Variants in DPP10 observed in about 807,000 individuals in gnomAD.
The protein encoded by DPP10 is dipeptidyl peptidase like 10, also known as inactive dipeptidyl peptidase 10.
Under a neutral mutation model 120.9 loss-of-function variants are expected in DPP10, and 33 were observed. The ratio of observed to expected loss-of-function variants is 0.27; its 90% CI spans 0.21 to 0.37. The LOEUF is 0.37. DPP10 is among the 10% of genes least tolerant of loss of function. The probability of loss-of-function intolerance (pLI) is 1.00; values close to 1 mark genes in which losing one functional copy is unlikely to be tolerated. For synonymous variants in DPP10, 337 were observed against 326.1 expected, an observed-to-expected ratio of 1.03 and a Z score of -0.36; for missense variants, 816 against 942.8, an observed-to-expected ratio of 0.87 and a Z score of 1.76.
intron 1 of DPP10, among the ~76,000 whole-genome samples, chr2:114,488,476 G>A (rs192130720): frequency 4.6e-4 from 70 of 152,240 alleles, no homozygotes; most frequent in African/African-American, 1.6e-3. Flanking sequence ...ACTACCACTA[G>A]TAATAGTAAT....
chr2:115,787,698 T>C (rs1299384517), intron 17 of DPP10, among the ~76,000 whole-genome samples: 1 of 152,036 alleles, frequency 6.6e-6, no homozygotes, highest in Non-Finnish European at 1.5e-5. Flanking sequence ...CTAAATCTGA[T>C]GAAAAAGTTA....
intron 2 of DPP10, among the ~76,000 whole-genome samples, chr2:115,334,230 G>GGTTTTTT (rs1553554643): frequency 1.8e-5 from 1 of 56,412 alleles, no homozygotes; most frequent in African/African-American, 4.9e-5. Context: ...AGCAGACTCT[G>GGTTTTTT]TTTTTTTTTT....
At chr2:114,723,501 G>T (rs1050234180) in intron 1 of DPP10, among the ~76,000 whole-genome samples, 5 of 152,166 alleles carry the variant, frequency 3.3e-5, no homozygotes. Context: ...CACTTCAACC[G>T]TAACTTCTCT....
chr2:114,768,697 CT>C (rs1471057591), intron 1 of DPP10, among the ~76,000 whole-genome samples: 2 of 152,152 alleles, frequency 1.3e-5, no homozygotes, highest in Non-Finnish European at 2.9e-5. Context: ...AGCTATTATT[CT>C]GCCTACCACA....
chr2:115,773,933 T>C (rs1681775258), intron 13 of DPP10, among the ~76,000 whole-genome samples: 1 of 152,078 alleles, frequency 6.6e-6, no homozygotes, highest in Admixed American at 6.6e-5. Context: ...AGGGTTCAAC[T>C]TGTTCCCCAT....
chr2:115,310,067 C>T (rs1317368939), intron 2 of DPP10, among the ~76,000 whole-genome samples: 1 of 152,076 alleles, frequency 6.6e-6, no homozygotes, highest in Non-Finnish European at 1.5e-5. Flanking sequence ...TAAACTCCTT[C>T]AGTTGTCTTC....
intron 1 of DPP10, among the ~76,000 whole-genome samples, chr2:114,820,281 T>C (rs748599296): frequency 6.6e-6 from 1 of 152,168 alleles, no homozygotes; most frequent in Non-Finnish European, 1.5e-5. Context: ...GCATGCCTCA[T>C]GGGTAAGAGG....
At chr2:114,906,774 T>A (rs1007772409) in intron 1 of DPP10, among the ~76,000 whole-genome samples, 1 of 152,150 alleles carries the variant, frequency 6.6e-6, no homozygotes, top group African/African-American at 2.4e-5. Flanking sequence ...TTTTGTTAGG[T>A]TCTCTATTTG....
At chr2:115,128,033 G>C (rs962736822) in intron 1 of DPP10, among the ~76,000 whole-genome samples, 3 of 152,120 alleles carry the variant, frequency 2.0e-5, no homozygotes, top group Admixed American at 6.5e-5. Flanking sequence ...TAAGAAAATG[G>C]TTTGTTCAGA....
At chr2:115,509,639 C>T (rs6542266) in intron 4 of DPP10, among the ~76,000 whole-genome samples, 31,262 of 152,006 alleles carry the variant, frequency 0.21, 4,430 homozygotes, top group African/African-American at 0.39. Context: ...GCACTCCAGC[C>T]TGGACGACAG....
intron 1 of DPP10, among the ~76,000 whole-genome samples, chr2:115,036,867 A>G (rs963726039): frequency 2.6e-5 from 4 of 152,202 alleles, no homozygotes; most frequent in Non-Finnish European, 5.9e-5. Flanking sequence ...TAGAAAAGAA[A>G]TTTATCTGTG....
intron 1 of DPP10, among the ~76,000 whole-genome samples, chr2:115,084,962 A>G (rs1008985048): frequency 8.5e-5 from 13 of 152,144 alleles, no homozygotes; most frequent in African/African-American, 2.7e-4. Flanking sequence ...GCTTGTTCAG[A>G]AAGAGCTGTT....
At chr2:115,137,766 G>A (rs757070530) in intron 1 of DPP10, among the ~76,000 whole-genome samples, 10 of 152,308 alleles carry the variant, frequency 6.6e-5, no homozygotes, top group African/African-American at 9.6e-5. Context: ...AAGGCAGGGC[G>A]TAGAGAATGT....
chr2:114,796,135 C>T (rs1008285814), intron 1 of DPP10, among the ~76,000 whole-genome samples: 1 of 152,124 alleles, frequency 6.6e-6, no homozygotes, highest in South Asian at 2.1e-4. Flanking sequence ...CGATCTCTCA[C>T]GATTCTCACT....
intron 1 of DPP10, among the ~76,000 whole-genome samples, chr2:115,266,051 T>A (rs934404171): frequency 4.6e-5 from 7 of 152,282 alleles, no homozygotes; most frequent in African/African-American, 1.7e-4. Flanking sequence ...GAATTTCATA[T>A]TAGTGTTTCA....
At chr2:115,397,971 C>T (rs1026502397) in intron 3 of DPP10, among the ~76,000 whole-genome samples, 3 of 152,006 alleles carry the variant, frequency 2.0e-5, no homozygotes, top group Admixed American at 6.6e-5. Context: ...AGAGTCGATA[C>T]GGCAACATCA....
chr2:114,602,688 A>G (rs1462844598), intron 1 of DPP10, among the ~76,000 whole-genome samples: 1 of 152,026 alleles, frequency 6.6e-6, no homozygotes, highest in Non-Finnish European at 1.5e-5. Context: ...ACTTTTACAC[A>G]CATAAGGGAG....
At chr2:115,078,750 G>A (rs559202461) in intron 1 of DPP10, among the ~76,000 whole-genome samples, 1 of 152,218 alleles carries the variant, frequency 6.6e-6, no homozygotes. Flanking sequence ...TTGTTTCAAA[G>A]TGCAAACTTG....
At chr2:115,236,844 C>G (rs1313411437) in intron 1 of DPP10, among the ~76,000 whole-genome samples, 1 of 152,030 alleles carries the variant, frequency 6.6e-6, no homozygotes, top group African/African-American at 2.4e-5. Context: ...GTTGGCTTTC[C>G]CTGTTAAGGA....
Sources: gnomAD v4.1 joint callset for allele counts (sites outside exome capture counted in the v4.1 genomes callset) on GRCh38, gnomAD v4.1.1 for gene constraint, MANE v1.5 for transcripts, NCBI Gene and HGNC (gene_info 2026-07-23, HGNC 2026-07-21) for gene names.